PSD3: variants seen among roughly 807,000 people sequenced by gnomAD.
The protein encoded by PSD3 is pleckstrin and Sec7 domain containing 3.
In PSD3, 49 loss-of-function variants were observed where a neutral mutation model predicts 105.5. The observed-to-expected ratio is 0.46, with a 90% CI of 0.37 to 0.59. PSD3 has a LOEUF of 0.59. PSD3 is among the 20% of genes least tolerant of loss of function. The pLI is 0.00. For synonymous variants in PSD3, 557 were observed against 457.8 expected (o/e 1.22, Z -2.77); for missense variants, 1,561 against 1,263.8 (o/e 1.24, Z -3.57).
intron 4 of PSD3, among the ~76,000 whole-genome samples, chr8:18,830,235 C>A (rs1359798362): frequency 1.3e-5 from 2 of 152,192 alleles, no homozygotes; most frequent in Non-Finnish European, 2.9e-5. Flanking sequence ...AGCCACCGCA[C>A]CCAGCCAGTA....
intron 4 of PSD3, among the ~76,000 whole-genome samples, chr8:18,864,049 A>T (rs1471588803): frequency 6.6e-6 from 1 of 152,252 alleles, no homozygotes; most frequent in Non-Finnish European, 1.5e-5. Context: ...CACTGAAATA[A>T]TCTTTAATGA....
At chr8:18,807,303 C>G (rs1811287625) in intron 4 of PSD3, among the ~76,000 whole-genome samples, 1 of 152,196 alleles carries the variant, frequency 6.6e-6, no homozygotes, top group Non-Finnish European at 1.5e-5. Flanking sequence ...GCTGCAAAGT[C>G]TCATACTCCC....
intron 9 of PSD3, among the ~76,000 whole-genome samples, chr8:18,709,156 C>T (rs895729194): frequency 3.9e-5 from 6 of 152,168 alleles, no homozygotes; most frequent in African/African-American, 1.2e-4. Flanking sequence ...TGGCCGTTTT[C>T]TCCTGCTGAT....
At chr8:18,765,359 C>T in intron 9 of PSD3, 90 bp downstream of exon 9, 1 of 1,208,616 alleles carries the variant, frequency 8.3e-7, no homozygotes, top group Non-Finnish European at 1.2e-6. Context: ...AAGCAAAATA[C>T]TTAAGTGATC....
chr8:18,653,943 T>G (rs1337971580), intron 10 of PSD3, among the ~76,000 whole-genome samples: 2 of 152,212 alleles, frequency 1.3e-5, no homozygotes, highest in East Asian at 3.8e-4. Context: ...ATGTCCTTTT[T>G]GCATTTCAGC....
intron 1 of PSD3, among the ~76,000 whole-genome samples, chr8:19,019,642 C>CA (rs77323821): frequency 6.6e-6 from 1 of 152,024 alleles, no homozygotes; most frequent in African/African-American, 2.4e-5. Context: ...CGAGGCTCAA[C>CA]AAAAAAATTT....
chr8:18,812,186 C>T (rs1311326144), intron 4 of PSD3, among the ~76,000 whole-genome samples: 3 of 152,110 alleles, frequency 2.0e-5, no homozygotes, highest in South Asian at 2.1e-4. Context: ...CTGATGTTGA[C>T]GCTGAACTAG....
intron 1 of PSD3, among the ~76,000 whole-genome samples, chr8:19,027,707 T>C (rs555460012): frequency 3.3e-5 from 5 of 152,208 alleles, no homozygotes; most frequent in Non-Finnish European, 7.3e-5. Flanking sequence ...GTATGAGCTC[T>C]TTTGTTTCTG....
intron 9 of PSD3, among the ~76,000 whole-genome samples, chr8:18,666,546 G>C (rs112148956): frequency 6.6e-5 from 10 of 152,222 alleles, no homozygotes; most frequent in African/African-American, 2.2e-4. Context: ...CCAAATGCTG[G>C]TTCATCATCA....
At chr8:18,677,146 G>A (rs1800105188) in intron 9 of PSD3, among the ~76,000 whole-genome samples, 1 of 152,166 alleles carries the variant, frequency 6.6e-6, no homozygotes, top group South Asian at 2.1e-4. Context: ...TTATATGAAA[G>A]TACCAGCAGG....
At chr8:18,905,182 C>A (rs112513069) in intron 2 of PSD3, among the ~76,000 whole-genome samples, 1 of 152,098 alleles carries the variant, frequency 6.6e-6, no homozygotes, top group Non-Finnish European at 1.5e-5. Flanking sequence ...AACTCAGCAT[C>A]CCCCCTAAGT....
At chr8:18,818,685 C>G (rs1422386117) in intron 4 of PSD3, among the ~76,000 whole-genome samples, 1 of 113,298 alleles carries the variant, frequency 8.8e-6, no homozygotes, top group Non-Finnish European at 1.8e-5. Flanking sequence ...CTCTCCATAC[C>G]CCCCCCAACA....
chr8:18,841,568 C>T (rs1392135933), intron 4 of PSD3, among the ~76,000 whole-genome samples: 1 of 152,046 alleles, frequency 6.6e-6, no homozygotes, highest in Non-Finnish European at 1.5e-5. Flanking sequence ...GAAGAGCAGG[C>T]ATTGTTTGAA....
At chr8:18,694,403 G>T (rs1298730364) in intron 9 of PSD3, among the ~76,000 whole-genome samples, 3 of 152,242 alleles carry the variant, frequency 2.0e-5, no homozygotes, top group African/African-American at 7.2e-5. Context: ...AAGGTCAGCA[G>T]ATCGAGACCA....
intron 12 of PSD3, among the ~76,000 whole-genome samples, chr8:18,576,742 T>C (rs1396440816): frequency 6.6e-6 from 1 of 152,012 alleles, no homozygotes; most frequent in Non-Finnish European, 1.5e-5. Context: ...AAACATGAGG[T>C]AGGTAAATAA....
chr8:18,564,465 C>T lies in PSD3; in HGVS notation c.2784+8063G>A, dbSNP rs1801604236. Among the ~76,000 whole-genome samples the T allele has an allele frequency of 1.3e-5, 2 of 151,962 alleles. 1 individual carries two copies. Among genetic ancestry groups the T allele is most frequent in the Non-Finnish European group, 2.9e-5 (2 of 68,000 alleles). ...CCAACATGGTGAAACCCCGTCTCTA[C>T]TAAAAATAAACACATTAGCTGGGCA... is the stretch of plus-strand genomic sequence containing the variant. On this transcript the variant is annotated intron_variant, in intron 14 of 15. Transcript: ENST00000327040.
At chr8:18,695,851 T>A (rs906746606) in intron 9 of PSD3, among the ~76,000 whole-genome samples, 1 of 151,910 alleles carries the variant, frequency 6.6e-6, no homozygotes, top group African/African-American at 2.4e-5. Context: ...CAAGAAGGAG[T>A]ATGAAACAAG....
chr8:18,922,368 A>C (rs1318265307), intron 2 of PSD3, among the ~76,000 whole-genome samples: 1 of 152,162 alleles, frequency 6.6e-6, no homozygotes, highest in Non-Finnish European at 1.5e-5. Flanking sequence ...AAAAAGTTTG[A>C]CCTCAATTAC....
chr8:19,048,533 C>G (rs1176221984), intron 1 of PSD3, among the ~76,000 whole-genome samples: 3 of 140,008 alleles, frequency 2.1e-5, no homozygotes, highest in African/African-American at 7.3e-5. Flanking sequence ...AAAGTGCTAG[C>G]TTGTATATCC....
Sources: allele counts gnomAD v4.1 joint callset (sites outside exome capture counted in the v4.1 genomes callset), GRCh38; gene constraint gnomAD v4.1.1; transcripts MANE v1.5; gene names NCBI Gene and HGNC (gene_info 2026-07-23, HGNC 2026-07-21).